Variants in NADK2 observed in about 807,000 individuals in gnomAD.
NADK2 encodes the protein NAD kinase domain-containing protein 1, mitochondrial.
Under a neutral mutation model 62.1 loss-of-function variants are expected in NADK2, and 35 were observed. That is an observed-to-expected ratio of 0.56 (90% CI 0.43 to 0.75). NADK2 has a LOEUF of 0.75. Ranked by LOEUF, NADK2 falls within the 30% of genes least tolerant of loss-of-function variation. The pLI is 0.00. For synonymous variants in NADK2, 205 were observed against 207.9 expected (o/e 0.99, Z 0.12); for missense variants, 439 against 561.3 (o/e 0.78, Z 2.20).
chr5:36,217,682 A>C lies in NADK2; in HGVS notation c.781+66T>G, dbSNP rs1261774892. 1.7e-5 allele frequency: 27 copies of C among 1,588,094 alleles called. No homozygotes were observed. The East Asian group carries it at 6.1e-4, about 36-fold the overall frequency. On this transcript the variant is annotated intron_variant, in intron 6 of 11. Coordinates refer to ENST00000381937, the MANE Select transcript of NADK2 (RefSeq NM_001085411.3). ...AACAAGTAAATTATTACATCAAAAA[A>C]TTTGAGGTCAAAGGAGCTATGAGTT...
Position 36,241,867 on chromosome 5 carries a change from C to A in NADK2, c.-69G>T. 1 of 1,112,640 alleles carries A rather than the reference C, an allele frequency of 9.0e-7. No homozygotes were observed. The highest frequency in any genetic ancestry group is 1.1e-6 in the Non-Finnish European group (1 of 906,952). The allele number at this position is 1,112,640 out of a possible 1,614,324, so 68.9% of individuals were successfully genotyped here. On this transcript the variant is annotated 5_prime_UTR_variant, in exon 1 of 12. Coordinates refer to ENST00000381937, the MANE Select transcript of NADK2 (RefSeq NM_001085411.3). The surrounding 1 kb of genome is among the most constrained non-coding windows in gnomAD (Gnocchi z 4.9). ...CCTCAGCTCCCTACCGCCGGGAGTG[C>A]GCGCCGTCCGCGCCGCCCGGGCCTC... is the stretch of plus-strand genomic sequence containing the variant.
In NADK2 at chr5:36,195,051, C is replaced by A; in HGVS notation, c.*93G>T. 2 of 1,425,402 alleles carry A rather than the reference C, an allele frequency of 1.4e-6. No individual in the cohort carries two copies. Among genetic ancestry groups the A allele is most frequent in the Non-Finnish European group, 9.4e-7 (1 of 1,059,346 alleles). 88.3% of individuals were successfully genotyped at this position (1,425,402 alleles called of 1,614,324 possible). A position where few individuals can be genotyped will look rare whatever the true frequency, so the allele number is the denominator to read the frequency against. ...TGAGCCCACGGGCAAGCAGTCTCAA[C>A]AATAACCAAAAAATGTCACTTTACG... On this transcript the variant is annotated 3_prime_UTR_variant, in exon 12 of 12. Transcript: ENST00000381937.
At chr5:36,208,768 G>A in intron 7 of NADK2, 1 of 921,820 alleles carries the variant, frequency 1.1e-6, no homozygotes, top group Non-Finnish European at 1.6e-6. Flanking sequence ...CATTATAAAT[G>A]AGGCAGGAAT....
intron 6 of NADK2, 60 bp downstream of exon 6, chr5:36,217,688 G>T: frequency 6.3e-7 from 1 of 1,597,680 alleles, no homozygotes; most frequent in South Asian, 1.1e-5. Flanking sequence ...AAAAATTTGA[G>T]GTCAAAGGAG....
chr5:36,224,821 G>C (rs1232245072), intron 4 of NADK2, among the ~76,000 whole-genome samples: 1 of 152,032 alleles, frequency 6.6e-6, no homozygotes, highest in East Asian at 1.9e-4. Context: ...AACAGAATGA[G>C]GGTAAATATC....
At chr5:36,206,059 C>G (rs967750903) in intron 8 of NADK2, among the ~76,000 whole-genome samples, 1 of 151,940 alleles carries the variant, frequency 6.6e-6, no homozygotes, top group Non-Finnish European at 1.5e-5. Flanking sequence ...AACCAAACAC[C>G]GCATGTTCTC....
At chr5:36,233,851 T>C (rs1747799126) in intron 1 of NADK2, among the ~76,000 whole-genome samples, 1 of 152,174 alleles carries the variant, frequency 6.6e-6, no homozygotes. Context: ...CCTTCACACA[T>C]AAAAATTCTT....
Position 36,194,978 on chromosome 5 carries a change from C to CT in NADK2, c.*165dup, listed in dbSNP as rs1746173901. ...ATCCATTTTCTTATACAGTGAATGT[C>CT]TTTTTTTCTATCAGAATCCAACAGA... On this transcript the variant is annotated 3_prime_UTR_variant, in exon 12 of 12. Coordinates refer to ENST00000381937, the MANE Select transcript of NADK2 (RefSeq NM_001085411.3). 7.5e-6 allele frequency: 5 copies of CT among 663,430 alleles called. No homozygotes were observed. The highest frequency in any genetic ancestry group is 2.8e-5 in the South Asian group (1 of 35,446). 41.1% of individuals were successfully genotyped at this position (663,430 alleles called of 1,614,324 possible).
rs183265223 is a variant in NADK2 at position 36,195,445 on chromosome 5, A to G, written c.1191-163T>C. Among the ~76,000 whole-genome samples the G allele has an allele frequency of 2.7e-4, 41 of 152,292 alleles. No homozygotes were observed. In the East Asian group the frequency reaches 7.3e-3, roughly 27 times the overall value. On this transcript the variant is annotated intron_variant, in intron 11 of 11. Transcript: ENST00000381937. ...TATGTAAATATATGGGTATATTATGAAGGTCTCAAAACGTTCAGGATGGCA... is the reference window on the plus strand; with the variant it reads ...TATGTAAATATATGGGTATATTATGGAGGTCTCAAAACGTTCAGGATGGCA...
At chr5:36,238,826 CA>C (rs1748002838) in intron 1 of NADK2, among the ~76,000 whole-genome samples, 1 of 152,112 alleles carries the variant, frequency 6.6e-6, no homozygotes. Context: ...GCAATGTAAC[CA>C]ATATGAAACG....
At chr5:36,197,517 A>G (rs1746273548) in intron 11 of NADK2, 24 bp downstream of exon 11, 1 of 1,611,832 alleles carries the variant, frequency 6.2e-7, no homozygotes, top group Non-Finnish European at 8.5e-7. Context: ...GAAAACAGTC[A>G]GAAGTCAGAT....
At chr5:36,207,490 T>C (rs1259540831) in intron 7 of NADK2, among the ~76,000 whole-genome samples, 2 of 151,784 alleles carry the variant, frequency 1.3e-5, no homozygotes, top group Non-Finnish European at 2.9e-5. Context: ...CTGATTTATA[T>C]ATTCCTTTCT....
chr5:36,231,287 T>G (rs1029451462), intron 1 of NADK2, among the ~76,000 whole-genome samples: 8 of 152,338 alleles, frequency 5.3e-5, no homozygotes, highest in African/African-American at 1.7e-4. Flanking sequence ...AAGTTTTCTA[T>G]GATTGCTAAC....
intron 9 of NADK2, 95 bp from the exon 10 acceptor site, chr5:36,200,375 T>G (rs887882017): frequency 1.6e-5 from 9 of 551,706 alleles, no homozygotes; most frequent in African/African-American, 1.6e-4. Context: ...GCTTAAAGTG[T>G]ATATGTGTTA....
chr5:36,196,171 A>T (rs1266641234), intron 11 of NADK2, among the ~76,000 whole-genome samples: 1 of 152,154 alleles, frequency 6.6e-6, no homozygotes, highest in Non-Finnish European at 1.5e-5. Flanking sequence ...TATACTTCAA[A>T]GGGGAATTAT....
At chr5:36,201,031 G>C (rs1746425690) in intron 9 of NADK2, 75 bp downstream of exon 9, 2 of 1,246,162 alleles carry the variant, frequency 1.6e-6, no homozygotes, top group Admixed American at 3.6e-5. Context: ...CAAGGTTTCA[G>C]CATTCACTGG....
Position 36,201,217 on chromosome 5 carries a change from CA to C in NADK2, c.957-57del, listed in dbSNP as rs1746435135. ...TTAATTCTAAAAACATGCTAAAAAT[CA>C]AAAAGGAATAACCTACTTAAAATAT... On this transcript the variant is annotated intron_variant, in intron 8 of 11. Transcript: ENST00000381937. The C allele has an allele frequency of 1.4e-5, 20 of 1,455,094 alleles. No homozygotes were observed. The South Asian group carries it at 2.3e-4, about 17-fold the overall frequency. 90.1% of individuals were successfully genotyped at this position (1,455,094 alleles called of 1,614,324 possible). A position where few individuals can be genotyped will look rare whatever the true frequency, so the allele number is the denominator to read the frequency against.
At chr5:36,211,543 A>G (rs1304456865) in intron 7 of NADK2, among the ~76,000 whole-genome samples, 1 of 110,222 alleles carries the variant, frequency 9.1e-6, no homozygotes, top group Non-Finnish European at 1.9e-5. Context: ...CGACAGAGTG[A>G]GACTCAGTCT....
intron 7 of NADK2, among the ~76,000 whole-genome samples, chr5:36,210,422 A>C (rs1344711501): frequency 1.3e-5 from 2 of 152,188 alleles, no homozygotes; most frequent in African/African-American, 4.8e-5. Flanking sequence ...CATTAACCTT[A>C]ATTTTTGCAA....
Sources: gnomAD v4.1 joint callset for allele counts (sites outside exome capture counted in the v4.1 genomes callset) on GRCh38, gnomAD v4.1.1 for gene constraint, Gnocchi (gnomAD v3.1) non-coding constraint, MANE v1.5 for transcripts, NCBI Gene and HGNC (gene_info 2026-07-23, HGNC 2026-07-21) for gene names.